The following KIF26B variants were observed in gnomAD, a reference collection of about 807,000 sequenced individuals.
KIF26B encodes kinesin-like protein KIF26B.
Under a neutral mutation model 151.2 loss-of-function variants are expected in KIF26B, and 63 were observed. That is an observed-to-expected ratio of 0.42 (90% confidence interval 0.34 to 0.51). KIF26B has a LOEUF of 0.51. Among genes scored for constraint, KIF26B ranks in the 20% least tolerant of loss-of-function variants. KIF26B has a pLI of 0.07. For missense variants in KIF26B, 2,813 were observed against 2,913.6 expected, an observed-to-expected ratio of 0.97 and a Z score of 0.79; for synonymous variants, 1,357 against 1,262.1, an observed-to-expected ratio of 1.08 and a Z score of -1.59.
intron 5 of KIF26B, among the ~76,000 whole-genome samples, chr1:245,590,478 C>T (rs2043276176): frequency 6.6e-6 from 1 of 152,164 alleles, no homozygotes; most frequent in Non-Finnish European, 1.5e-5. Context: ...GGATATTTAC[C>T]ATTTCTACTC....
chr1:245,567,210 C>T (rs975678211), intron 5 of KIF26B, among the ~76,000 whole-genome samples: 4 of 152,182 alleles, frequency 2.6e-5, no homozygotes, highest in African/African-American at 7.2e-5. Context: ...AATATTTCCC[C>T]GGAGAGATTC....
Position 245,706,489 on chromosome 1 carries a change from T to C in KIF26B, c.*3883T>C, listed in dbSNP as rs974176983. The C allele has an allele frequency of 6.6e-5, 10 of 152,220 alleles. No homozygotes were observed. The highest frequency in any genetic ancestry group is 2.4e-4 in the African/African-American group (10 of 41,464). The allele number at this position is 152,220 out of a possible 1,614,324, so 9.4% of individuals were successfully genotyped here. A position where few individuals can be genotyped will look rare whatever the true frequency, so the allele number is the denominator to read the frequency against. On this transcript the variant is annotated 3_prime_UTR_variant, in exon 15 of 15. Coordinates refer to ENST00000407071, the MANE Select transcript of KIF26B (RefSeq NM_018012.4). ...TCTTATTCCAAAAAGGATTTTAGACTGTAAAATGACTAAAGATGAGTTAAT... is the reference window on the plus strand; with the variant it reads ...TCTTATTCCAAAAAGGATTTTAGACCGTAAAATGACTAAAGATGAGTTAAT...
chr1:245,393,058 C>G (rs940157764), intron 3 of KIF26B, among the ~76,000 whole-genome samples: 2 of 152,074 alleles, frequency 1.3e-5, no homozygotes, highest in African/African-American at 4.8e-5. Flanking sequence ...GTAATCCTAG[C>G]TACTCGGGAG....
At chr1:245,681,877 T>A (rs1198426067) in intron 10 of KIF26B, among the ~76,000 whole-genome samples, 2 of 152,242 alleles carry the variant, frequency 1.3e-5, no homozygotes, top group Non-Finnish European at 2.9e-5. Context: ...AGGTTACGTA[T>A]TGACCAGTTG....
chr1:245,462,148 G>T (rs1452643243), intron 4 of KIF26B, among the ~76,000 whole-genome samples: 2 of 151,926 alleles, frequency 1.3e-5, no homozygotes, highest in African/African-American at 4.8e-5. Context: ...ATTAAAAAAT[G>T]AAAAAAAGAA....
At chr1:245,679,457 G>GTTTTTTTTTTTTTTTTTTTTTTTT (rs35663208) in intron 10 of KIF26B, among the ~76,000 whole-genome samples, 2 of 59,210 alleles carry the variant, frequency 3.4e-5, no homozygotes, top group Non-Finnish European at 6.4e-5. Flanking sequence ...TTTTGTGTGT[G>GTTTTTTTTTTTTTTTTTTTTTTTT]TTTTTTTTTT....
intron 4 of KIF26B, among the ~76,000 whole-genome samples, chr1:245,539,100 A>G (rs1390275911): frequency 1.3e-5 from 2 of 152,162 alleles, no homozygotes; most frequent in Non-Finnish European, 2.9e-5. Context: ...AGGGTGACTT[A>G]GGGTATCTTC....
intron 2 of KIF26B, among the ~76,000 whole-genome samples, chr1:245,327,502 A>G (rs1672014172): frequency 6.6e-6 from 1 of 152,228 alleles, no homozygotes; most frequent in Non-Finnish European, 1.5e-5. Flanking sequence ...AAACATCTCT[A>G]GAATTCGACA....
At chr1:245,289,658 G>A (rs565894959) in intron 2 of KIF26B, among the ~76,000 whole-genome samples, 1 of 150,102 alleles carries the variant, frequency 6.7e-6, no homozygotes, top group East Asian at 2.0e-4. Context: ...TCCTTTTTTG[G>A]GGGTGGAGGT....
chr1:245,601,373 T>A lies in KIF26B; in HGVS notation c.1351-1204T>A, dbSNP rs1421973362. Among the ~76,000 whole-genome samples, 1 of 152,196 alleles carries A rather than the reference T, an allele frequency of 6.6e-6. No homozygotes were observed. Among genetic ancestry groups the A allele is most frequent in the Non-Finnish European group, 1.5e-5 (1 of 68,028 alleles). On this transcript the variant is annotated intron_variant, in intron 5 of 14. Coordinates refer to ENST00000407071, the MANE Select transcript of KIF26B (RefSeq NM_018012.4). The surrounding 1 kb of genome is among the most constrained non-coding windows in gnomAD (Gnocchi z 4.4). ...CGAGATTGGCAGGAGGATCTCCGTC[T>A]TGAACAACATTATGATTCTCTGAGC... is the stretch of plus-strand genomic sequence containing the variant.
intron 5 of KIF26B, among the ~76,000 whole-genome samples, chr1:245,588,731 C>T (rs146729802): frequency 9.5e-4 from 144 of 152,348 alleles, no homozygotes; most frequent in African/African-American, 3.2e-3. Flanking sequence ...GGTTCCCCAT[C>T]CTCTGGGTCT....
chr1:245,700,945 C>T (rs2044762586), intron 14 of KIF26B, among the ~76,000 whole-genome samples: 1 of 151,130 alleles, frequency 6.6e-6, no homozygotes, highest in Admixed American at 6.6e-5. Context: ...GTTCTCTCTC[C>T]TTCATTTTTG....
At chr1:245,221,680 T>C (rs1241281134) in intron 2 of KIF26B, among the ~76,000 whole-genome samples, 1 of 152,252 alleles carries the variant, frequency 6.6e-6, no homozygotes, top group Non-Finnish European at 1.5e-5. Flanking sequence ...GTGCTGGGAT[T>C]ACAGGTGTGG....
Position 245,266,758 on chromosome 1 carries a change from G to A in KIF26B, c.466-100076G>A, listed in dbSNP as rs141548705. Among the ~76,000 whole-genome samples, 227 of 152,110 alleles carry A rather than the reference G, an allele frequency of 1.5e-3. 1 individual carries two copies. Among genetic ancestry groups the A allele is most frequent in the African/African-American group, 5.2e-3 (217 of 41,524 alleles). ...CTGACCTTGTGATCCACCTGCCTTGGCCTCCCAAAGTGCTGGGATTACAGA... is the reference window on the plus strand; with the variant it reads ...CTGACCTTGTGATCCACCTGCCTTGACCTCCCAAAGTGCTGGGATTACAGA... On this transcript the variant is annotated intron_variant, in intron 2 of 14. Transcript: ENST00000407071.
At chr1:245,337,989 C>T (rs1282557320) in intron 2 of KIF26B, among the ~76,000 whole-genome samples, 2 of 152,186 alleles carry the variant, frequency 1.3e-5, no homozygotes, top group Non-Finnish European at 1.5e-5. Flanking sequence ...AACAGCTTGA[C>T]AGGAAGAGAG....
In KIF26B at chr1:245,375,515, G is replaced by T. The variant is rs573805118; in HGVS notation, c.999+8148G>T. Among the ~76,000 whole-genome samples, 2 of 152,276 alleles carry T rather than the reference G, an allele frequency of 1.3e-5. No individual in the cohort carries two copies. The highest frequency in any genetic ancestry group is 4.8e-5 in the African/African-American group (2 of 41,560). ...TCAGAGAGGAGAGAGATACAAATCT[G>T]TTGGCTTTGATGATGGAAGAAGGAA... On this transcript the variant is annotated intron_variant, in intron 3 of 14. Coordinates refer to ENST00000407071, the MANE Select transcript of KIF26B (RefSeq NM_018012.4). This position sits in a 1 kb window ranked among gnomAD's most constrained non-coding sequence, Gnocchi z 4.2.
chr1:245,501,604 C>T (rs577641193), intron 4 of KIF26B, among the ~76,000 whole-genome samples: 3 of 152,130 alleles, frequency 2.0e-5, no homozygotes, highest in Non-Finnish European at 4.4e-5. Context: ...AGTTTTTATC[C>T]GCAGAGCACT....
chr1:245,377,295 G>T (rs913130661), intron 3 of KIF26B, among the ~76,000 whole-genome samples: 2 of 152,208 alleles, frequency 1.3e-5, no homozygotes, highest in African/African-American at 4.8e-5. Flanking sequence ...GCCGTGCTGT[G>T]CTTCCTCTGA....
At chr1:245,462,858 AT>A (rs1659680517) in intron 4 of KIF26B, among the ~76,000 whole-genome samples, 2 of 151,834 alleles carry the variant, frequency 1.3e-5, no homozygotes, top group Middle Eastern at 3.4e-3. Context: ...GAATGAATGA[AT>A]GAATGAATGA....
Sources: allele counts gnomAD v4.1 joint callset (sites outside exome capture counted in the v4.1 genomes callset), GRCh38; gene constraint gnomAD v4.1.1; non-coding constraint Gnocchi (gnomAD v3.1); transcripts MANE v1.5; gene names NCBI Gene and HGNC (gene_info 2026-07-23, HGNC 2026-07-21).